Variants in CELF4 observed in about 807,000 individuals in gnomAD.
The protein encoded by CELF4 is CUG-BP- and ETR-3-like factor 4.
A neutral mutation model predicts 59.9 loss-of-function variants in CELF4; 18 were observed. The observed-to-expected ratio is 0.30, with a 90% CI of 0.21 to 0.45. The LOEUF is 0.45. Among genes scored for constraint, CELF4 ranks in the 20% least tolerant of loss-of-function variants. The probability of loss-of-function intolerance (pLI) is 1.00; values close to 1 mark genes in which losing one functional copy is unlikely to be tolerated. For missense variants in CELF4, 456 were observed against 689.0 expected (o/e 0.66, Z 3.79); for synonymous variants, 261 against 267.1 (o/e 0.98, Z 0.22).
intron 2 of CELF4, among the ~76,000 whole-genome samples, chr18:37,443,816 G>A (rs1231292173): frequency 2.0e-5 from 3 of 152,166 alleles, no homozygotes; most frequent in Non-Finnish European, 2.9e-5. Context: ...TAATTCATCC[G>A]CCCTCCATTC....
At chr18:37,432,072 G>A (rs1191551784) in intron 2 of CELF4, among the ~76,000 whole-genome samples, 2 of 152,238 alleles carry the variant, frequency 1.3e-5, no homozygotes, top group African/African-American at 4.8e-5. Context: ...AGGCTGTGAG[G>A]CTGGGAGCCC....
intron 1 of CELF4, among the ~76,000 whole-genome samples, chr18:37,547,160 G>GTGTGTGGT (rs61235122): frequency 2.1e-4 from 31 of 144,252 alleles, no homozygotes; most frequent in Admixed American, 1.9e-3. Context: ...GTGTGTGTGT[G>GTGTGTGGT]GTGTGTGTGT....
chr18:37,481,085 G>T (rs1178495237), intron 2 of CELF4, among the ~76,000 whole-genome samples: 1 of 152,182 alleles, frequency 6.6e-6, no homozygotes, highest in Non-Finnish European at 1.5e-5. Context: ...CAGGAGGCGT[G>T]ATGGCGGGAC....
intron 2 of CELF4, among the ~76,000 whole-genome samples, chr18:37,454,867 C>T (rs892317976): frequency 1.3e-5 from 2 of 152,180 alleles, no homozygotes; most frequent in African/African-American, 2.4e-5. Flanking sequence ...TGCTACGGCC[C>T]CTAATGAGGA....
chr18:37,564,128 T>C (rs1031759554), intron 1 of CELF4, among the ~76,000 whole-genome samples: 2 of 152,164 alleles, frequency 1.3e-5, no homozygotes, highest in African/African-American at 2.4e-5. Flanking sequence ...CTCTCCACAC[T>C]ACTGTTTATT....
intron 3 of CELF4, among the ~76,000 whole-genome samples, chr18:37,290,622 G>C (rs927602275): frequency 6.6e-6 from 1 of 152,138 alleles, no homozygotes; most frequent in Non-Finnish European, 1.5e-5. Context: ...CCTATCTAGA[G>C]GGAAGGATTG....
chr18:37,509,743 A>G (rs1175593110), intron 1 of CELF4, among the ~76,000 whole-genome samples: 2 of 152,264 alleles, frequency 1.3e-5, no homozygotes, highest in Non-Finnish European at 2.9e-5. Flanking sequence ...CACAAAACCT[A>G]AAGTAGGAAT....
At chr18:37,337,627 C>G (rs537638678) in intron 2 of CELF4, among the ~76,000 whole-genome samples, 45 of 152,340 alleles carry the variant, frequency 3.0e-4, no homozygotes, top group Non-Finnish European at 5.6e-4. Context: ...GAGGCTTCAT[C>G]TCCAGATGGC....
At chr18:37,255,822 G>C (rs770577342) in intron 11 of CELF4, among the ~76,000 whole-genome samples, 5 of 152,142 alleles carry the variant, frequency 3.3e-5, no homozygotes, top group Non-Finnish European at 7.3e-5. Context: ...CTCAAAGAAG[G>C]GAGGGGAAAG....
intron 2 of CELF4, among the ~76,000 whole-genome samples, chr18:37,442,766 T>C (rs1396202743): frequency 6.6e-6 from 1 of 152,194 alleles, no homozygotes; most frequent in Non-Finnish European, 1.5e-5. Flanking sequence ...CTGAGCCACC[T>C]GTATGGGAAT....
At chr18:37,386,337 T>C (rs996078991) in intron 2 of CELF4, among the ~76,000 whole-genome samples, 1 of 152,044 alleles carries the variant, frequency 6.6e-6, no homozygotes, top group Non-Finnish European at 1.5e-5. Context: ...ATGAGGTAAG[T>C]AAGGAGGAAA....
intron 2 of CELF4, among the ~76,000 whole-genome samples, chr18:37,463,058 T>C (rs2099798209): frequency 6.6e-6 from 1 of 152,196 alleles, no homozygotes; most frequent in Non-Finnish European, 1.5e-5. Context: ...GAGCTCCTTT[T>C]CCAGAAGACA....
At chr18:37,451,231 G>A (rs573283815) in intron 2 of CELF4, among the ~76,000 whole-genome samples, 1 of 152,366 alleles carries the variant, frequency 6.6e-6, no homozygotes, top group South Asian at 2.1e-4. Flanking sequence ...AATGGGGACA[G>A]GCCCATTGTG....
At chr18:37,462,707 TGATA>T (rs1361200838) in intron 2 of CELF4, among the ~76,000 whole-genome samples, 1 of 152,090 alleles carries the variant, frequency 6.6e-6, no homozygotes, top group African/African-American at 2.4e-5. Flanking sequence ...GCAGTGTGCA[TGATA>T]GATAGACAAG....
intron 3 of CELF4, among the ~76,000 whole-genome samples, chr18:37,320,970 C>T (rs1390941486): frequency 6.6e-6 from 1 of 152,120 alleles, no homozygotes; most frequent in Non-Finnish European, 1.5e-5. Context: ...ATTTTCTTTG[C>T]CATGTCCTTG....
rs145215654 is a variant in CELF4, at chr18:37,383,823, G to A, written c.370-61942C>T. Among the ~76,000 whole-genome samples the A allele has an allele frequency of 9.9e-3, 1,503 of 152,344 alleles. 16 individuals are homozygous for A. Among genetic ancestry groups the A allele is most frequent in the Admixed American group, 0.015 (227 of 15,306 alleles). On this transcript the variant is annotated intron_variant, in intron 2 of 12. Coordinates refer to ENST00000420428, the MANE Select transcript of CELF4 (RefSeq NM_020180.4). ...GCCAGGGCTCTGGTGGGCTAGTCCA[G>A]GGACCCTGCCAACTCCTGAGCTCCT...
chr18:37,313,393 C>G (rs1432376285), intron 3 of CELF4, among the ~76,000 whole-genome samples: 1 of 152,176 alleles, frequency 6.6e-6, no homozygotes, highest in Non-Finnish European at 1.5e-5. Flanking sequence ...GTGAGTCACT[C>G]GCTGACTCCT....
Position 37,337,016 on chromosome 18 carries a change from C to T in CELF4, c.370-15135G>A, listed in dbSNP as rs1009260664. ...GCCCTGGCCGCCTCCGGCTGTGCTCCACTCACCATGCCTGGCGCTCACAGG... is the reference window on the plus strand; with the variant it reads ...GCCCTGGCCGCCTCCGGCTGTGCTCTACTCACCATGCCTGGCGCTCACAGG... On this transcript the variant is annotated intron_variant, in intron 2 of 12. Coordinates refer to ENST00000420428, the MANE Select transcript of CELF4 (RefSeq NM_020180.4). 2.6e-5 allele frequency among the ~76,000 whole-genome samples: 4 copies of T among 152,208 alleles called. No individual in the cohort carries two copies. In the East Asian group the frequency reaches 7.7e-4, roughly 29 times the overall value.
intron 2 of CELF4, among the ~76,000 whole-genome samples, chr18:37,385,269 C>T (rs779587389): frequency 4.0e-5 from 6 of 148,872 alleles, no homozygotes; most frequent in African/African-American, 1.2e-4. Context: ...AATCTCGAAT[C>T]GCTTGAACTC....
Sources: allele counts gnomAD v4.1 joint callset (sites outside exome capture counted in the v4.1 genomes callset), GRCh38; gene constraint gnomAD v4.1.1; transcripts MANE v1.5; gene names NCBI Gene and HGNC (gene_info 2026-07-23, HGNC 2026-07-21).